The following NR3C2 variants were observed in gnomAD, a reference collection of about 807,000 sequenced individuals.
NR3C2 encodes mineralocorticoid receptor.
Under a neutral mutation model 86.4 loss-of-function variants are expected in NR3C2, and 15 were observed. That is an observed-to-expected ratio of 0.17 (90% CI 0.12 to 0.27). The LOEUF (loss-of-function observed/expected upper bound fraction) is 0.27. NR3C2 is among the 10% of genes least tolerant of loss of function. The pLI is 1.00. For missense variants in NR3C2, 960 were observed against 1,195.6 expected (o/e 0.80, Z 2.91); for synonymous variants, 458 against 450.5 (o/e 1.02, Z -0.21).
chr4:148,208,933 A>T (rs1737141215), intron 3 of NR3C2: 1 of 152,208 alleles, frequency 6.6e-6, no homozygotes, highest in Non-Finnish European at 1.5e-5. Flanking sequence ...AAAAAGCAAC[A>T]GCTTTTCATG....
chr4:148,260,494 A>C (rs1050000307), intron 2 of NR3C2, among the ~76,000 whole-genome samples: 3 of 152,164 alleles, frequency 2.0e-5, no homozygotes, highest in Non-Finnish European at 2.9e-5. Context: ...TTTTGCATCA[A>C]AGAGCTATTA....
chr4:148,412,135 C>T (rs1748737840), intron 2 of NR3C2, among the ~76,000 whole-genome samples: 1 of 152,136 alleles, frequency 6.6e-6, no homozygotes, highest in African/African-American at 2.4e-5. Flanking sequence ...GCCATAGGGA[C>T]TAATGCCTGG....
chr4:148,402,178 G>A (rs527931827), intron 2 of NR3C2, among the ~76,000 whole-genome samples: 6 of 152,176 alleles, frequency 3.9e-5, no homozygotes, highest in Non-Finnish European at 5.9e-5. Context: ...CAAGCCTCAC[G>A]GACAGTAGAC....
Position 148,349,633 on chromosome 4 carries a change from G to A in NR3C2, c.1757+85471C>T, listed in dbSNP as rs909621137. On this transcript the variant is annotated intron_variant, in intron 2 of 8. Transcript: ENST00000358102. ...TTCTCTCCTTTCTGCAAAGGTTCTG[G>A]TGGTGGCTTGGGGAAAAAAAAATTC... Among the ~76,000 whole-genome samples the A allele has an allele frequency of 6.2e-5, 3 of 48,250 alleles. No homozygotes were observed. In the Admixed American group the frequency reaches 8.8e-4, roughly 14 times the overall value. 31.7% of individuals were successfully genotyped at this position (48,250 alleles called of 152,430 possible).
intron 3 of NR3C2, among the ~76,000 whole-genome samples, chr4:148,233,196 A>G (rs1738553964): frequency 6.6e-6 from 1 of 152,156 alleles, no homozygotes; most frequent in Admixed American, 6.6e-5. Context: ...CTTCTCATGT[A>G]CAACTTGGCC....
At chr4:148,433,662 G>T (rs1226885669) in intron 2 of NR3C2, among the ~76,000 whole-genome samples, 1 of 152,100 alleles carries the variant, frequency 6.6e-6, no homozygotes, top group African/African-American at 2.4e-5. Flanking sequence ...CAATTAAGTA[G>T]CAGAGTTGGG....
At chr4:148,380,079 T>C (rs191071450) in intron 2 of NR3C2, among the ~76,000 whole-genome samples, 200 of 152,350 alleles carry the variant, frequency 1.3e-3, no homozygotes, top group Non-Finnish European at 1.4e-3. Flanking sequence ...TTGTTTTTTA[T>C]TGAGATATAA....
At chr4:148,268,896 C>T (rs2149881932) in intron 2 of NR3C2, among the ~76,000 whole-genome samples, 1 of 147,846 alleles carries the variant, frequency 6.8e-6, no homozygotes, top group African/African-American at 2.5e-5. Context: ...CTGATTACAA[C>T]TTTTAATATG....
chr4:148,389,625 G>T (rs1747438077), intron 2 of NR3C2, among the ~76,000 whole-genome samples: 1 of 151,932 alleles, frequency 6.6e-6, no homozygotes, highest in Non-Finnish European at 1.5e-5. Context: ...TTAAAAGAAG[G>T]TGCCAGTTTA....
At chr4:148,385,980 G>A (rs1014661281) in intron 2 of NR3C2, among the ~76,000 whole-genome samples, 5 of 152,158 alleles carry the variant, frequency 3.3e-5, no homozygotes, top group African/African-American at 9.7e-5. Context: ...TTTCAGATAC[G>A]TGGGTGTGCC....
intron 6 of NR3C2, among the ~76,000 whole-genome samples, chr4:148,138,792 A>C (rs932279167): frequency 9.2e-5 from 14 of 152,244 alleles, no homozygotes; most frequent in Non-Finnish European, 1.6e-4. Context: ...TCCCAAATGC[A>C]ACAGTGTTGA....
intron 2 of NR3C2, among the ~76,000 whole-genome samples, chr4:148,394,775 GA>G (rs1398697525): frequency 3.9e-5 from 6 of 152,182 alleles, no homozygotes; most frequent in Non-Finnish European, 8.8e-5. Context: ...ATAATCTGGG[GA>G]AAGAACAGTT....
intron 3 of NR3C2, among the ~76,000 whole-genome samples, chr4:148,231,170 A>G (rs1315561777): frequency 6.6e-6 from 1 of 152,240 alleles, no homozygotes; most frequent in Admixed American, 6.5e-5. Flanking sequence ...GACTAAAAGT[A>G]TCATTTTCTT....
intron 8 of NR3C2, among the ~76,000 whole-genome samples, chr4:148,106,673 C>A (rs1459739748): frequency 6.6e-6 from 1 of 152,068 alleles, no homozygotes; most frequent in African/African-American, 2.4e-5. Context: ...GATATATAGA[C>A]CAATGGAACA....
At chr4:148,200,800 T>C (rs1307954633) in intron 3 of NR3C2, among the ~76,000 whole-genome samples, 1 of 152,204 alleles carries the variant, frequency 6.6e-6, no homozygotes, top group Non-Finnish European at 1.5e-5. Flanking sequence ...TGATTATCAT[T>C]ATTACTATTA....
chr4:148,300,705 C>G (rs879623090), intron 2 of NR3C2, among the ~76,000 whole-genome samples: 1 of 151,312 alleles, frequency 6.6e-6, no homozygotes, highest in Non-Finnish European at 1.5e-5. Flanking sequence ...CCCAAGTAGC[C>G]GGGATTACAG....
chr4:148,314,165 A>G (rs1743044763), intron 2 of NR3C2, among the ~76,000 whole-genome samples: 1 of 152,132 alleles, frequency 6.6e-6, no homozygotes, highest in Non-Finnish European at 1.5e-5. Context: ...TTCAAAAGCT[A>G]TATGATCGCA....
At chr4:148,159,768 T>C (rs567595769) in intron 4 of NR3C2, among the ~76,000 whole-genome samples, 10 of 152,346 alleles carry the variant, frequency 6.6e-5, no homozygotes, top group African/African-American at 2.4e-4. Context: ...AATTAAGATG[T>C]TTGCTAATTA....
intron 6 of NR3C2, among the ~76,000 whole-genome samples, chr4:148,151,809 C>T (rs1350926859): frequency 6.6e-6 from 1 of 152,112 alleles, no homozygotes; most frequent in Non-Finnish European, 1.5e-5. Context: ...TACAAAGAAG[C>T]ACTGCTAGAT....
Sources: allele counts gnomAD v4.1 joint callset (sites outside exome capture counted in the v4.1 genomes callset), GRCh38; gene constraint gnomAD v4.1.1; transcripts MANE v1.5; gene names NCBI Gene and HGNC (gene_info 2026-07-23, HGNC 2026-07-21).